The following DIABLO variants were observed in gnomAD, a reference collection of about 807,000 sequenced individuals.
DIABLO encodes the protein diablo homolog, mitochondrial.
DIABLO carries 32 observed loss-of-function variants against 31.7 expected under a neutral mutation model. The ratio of observed to expected loss-of-function variants is 1.01; its 90% CI spans 0.76 to 1.35. The LOEUF (loss-of-function observed/expected upper bound fraction) is 1.35. DIABLO is among the 40% of genes most tolerant of loss of function. The pLI is 0.00. For missense variants in DIABLO, 316 were observed against 286.4 expected, an observed-to-expected ratio of 1.10 and a Z score of -0.75; for synonymous variants, 132 against 103.2, an observed-to-expected ratio of 1.28 and a Z score of -1.69.
chr12:122,211,034 C>G (rs1954074683), intron 5 of DIABLO, among the ~76,000 whole-genome samples: 1 of 135,004 alleles, frequency 7.4e-6, no homozygotes, highest in South Asian at 2.4e-4. Context: ...GACCCTGTCT[C>G]TCTCACACAC....
intron 5 of DIABLO, among the ~76,000 whole-genome samples, chr12:122,211,289 C>CTG (rs751921138): frequency 6.6e-6 from 1 of 151,858 alleles, no homozygotes; most frequent in East Asian, 1.9e-4. Context: ...GTGGTCCCAG[C>CTG]TACTCAGGAG....
upstream of DIABLO, chr12:122,226,198 G>T (rs1954469930): frequency 3.1e-6 from 3 of 970,728 alleles, no homozygotes; most frequent in South Asian, 1.4e-5. Context: ...TGTAACGGCC[G>T]CGCAAGGCAA....
In DIABLO at chr12:122,207,716, T is replaced by TC; in HGVS notation, c.*664dup. 1 of 536,704 alleles carries TC rather than the reference T, an allele frequency of 1.9e-6. No homozygotes were observed. The highest frequency in any genetic ancestry group is 3.6e-6 in the Non-Finnish European group (1 of 281,264). The allele number at this position is 536,704 out of a possible 1,614,324, so 33.2% of individuals were successfully genotyped here. On this transcript the variant is annotated 3_prime_UTR_variant, in exon 6 of 6. Coordinates refer to ENST00000464942, the MANE Select transcript of DIABLO (RefSeq NM_001371333.1). ...TTCAGATGCAAACAAAATCTTACAC[T>TC]CTTCTCCTTTGGATACAATAGAGAA...
At position 122,218,259 on chromosome 12, in the gene DIABLO, G is replaced by C. The variant is rs753361409; in HGVS notation, c.315+7C>G. On this transcript the variant is annotated splice_region_variant and intron_variant, in intron 3 of 5. Transcript: ENST00000464942. ...TTTAGAAGATCAAGAGTTAAGAGGA[G>C]ACATACCTTAGTATATTCAGTAATA... The C allele has an allele frequency of 6.2e-7, 1 of 1,614,034 alleles. No individual in the cohort carries two copies. The highest frequency in any genetic ancestry group is 2.2e-5 in the East Asian group (1 of 44,858).
chr12:122,207,838 A>G lies in DIABLO; in HGVS notation c.*543T>C, dbSNP rs1953961085. On this transcript the variant is annotated 3_prime_UTR_variant, in exon 6 of 6. Coordinates refer to ENST00000464942, the MANE Select transcript of DIABLO (RefSeq NM_001371333.1). ...GTAAACACTCTGCACCCCTTCTCTT[A>G]GTAGTAATAGGTTTTTCACTCCTTG... 2.2e-6 allele frequency: 1 copy of G among 461,458 alleles called. No homozygotes were observed. The highest frequency in any genetic ancestry group is 2.0e-5 in the African/African-American group (1 of 50,322). The allele number at this position is 461,458 out of a possible 1,614,324, so 28.6% of individuals were successfully genotyped here. A position where few individuals can be genotyped will look rare whatever the true frequency, so the allele number is the denominator to read the frequency against.
At position 122,224,538 on chromosome 12, in the gene DIABLO, T is replaced by C. The variant is rs1357393117; in HGVS notation, c.157A>G (p.Thr53Ala). 1 of 1,613,630 alleles carries C rather than the reference T, an allele frequency of 6.2e-7. No homozygotes were observed. Among genetic ancestry groups the C allele is most frequent in the Admixed American group, 1.7e-5 (1 of 59,870 alleles). ...TGTGCAATAGGAACCGCACACAGGG[T>C]TACTCCAAAGCCAATCGTCACAGTT... is the stretch of plus-strand genomic sequence containing the variant. ...HKTVTIGFGV[T>A]LCAVPIAQKS... is the part of the protein sequence containing the mutation. Residue 53 changes from threonine (T) to alanine (A), a missense_variant, in exon 2 of 6, where the codon ACC (threonine) becomes GCC (alanine). Physicochemically the swap from Thr to Ala is moderately conservative, Grantham distance 58. Transcript: ENST00000464942.
At chr12:122,210,864 CTCTGTT>C (rs1209120464) in intron 5 of DIABLO, among the ~76,000 whole-genome samples, 1 of 149,646 alleles carries the variant, frequency 6.7e-6, no homozygotes, top group Non-Finnish European at 1.5e-5. Flanking sequence ...CTTAGCAAAA[CTCTGTT>C]TCTACTAAAA....
At chr12:122,208,637 G>A in intron 5 of DIABLO, 60 bp from the exon 6 acceptor site, 2 of 1,564,054 alleles carry the variant, frequency 1.3e-6, no homozygotes. Context: ...GGCTCATGTG[G>A]ACGTTGGCCT....
intron 1 of DIABLO, chr12:122,224,959 AAAAT>A (rs1246410612): frequency 3.0e-6 from 2 of 676,450 alleles, no homozygotes; most frequent in Non-Finnish European, 4.3e-6. Flanking sequence ...CTATTAAAAA[AAAAT>A]AAGTAAATAA....
In DIABLO at chr12:122,208,594, C is replaced by T; in HGVS notation, c.524-17G>A. 6.2e-7 allele frequency: 1 copy of T among 1,610,120 alleles called. No homozygotes were observed. The highest frequency in any genetic ancestry group is 1.3e-5 in the African/African-American group (1 of 75,034). On this transcript the variant is annotated splice_polypyrimidine_tract_variant and intron_variant, in intron 5 of 5. Coordinates refer to ENST00000464942, the MANE Select transcript of DIABLO (RefSeq NM_001371333.1). ...GATCTGCGCCTGCCAAAAGATGGGA[C>T]AATCGGGTTGAGCAGCCGTGCAGGG...
At chr12:122,224,401 G>A (rs752433855) in intron 2 of DIABLO, 111 bp downstream of exon 2, 119 of 1,523,538 alleles carry the variant, frequency 7.8e-5, no homozygotes, top group Middle Eastern at 2.0e-4. Flanking sequence ...TGTGGGGGAA[G>A]GGATGGGAGC....
At position 122,219,472 on chromosome 12, in the gene DIABLO, A is replaced by G. The variant is rs573703761; in HGVS notation, c.184-1075T>C. On this transcript the variant is annotated intron_variant, in intron 2 of 5. Coordinates refer to ENST00000464942, the MANE Select transcript of DIABLO (RefSeq NM_001371333.1). Reference sequence around the variant, plus strand: ...TGTGGGAGGAGTATGTATGAGCTACACTGGGGGCATGCAGAAGGGAGCAAT... The same window carrying G: ...TGTGGGAGGAGTATGTATGAGCTACGCTGGGGGCATGCAGAAGGGAGCAAT... 2.0e-5 allele frequency among the ~76,000 whole-genome samples: 3 copies of G among 152,204 alleles called. No homozygotes were observed. In the East Asian group the frequency reaches 5.8e-4, roughly 29 times the overall value.
chr12:122,222,163 AACTACTT>A (rs1459785125), intron 2 of DIABLO: 15 of 152,158 alleles, frequency 9.9e-5, no homozygotes, highest in African/African-American at 3.6e-4. Context: ...CTTTTATATC[AACTACTT>A]AATTGACAGC....
chr12:122,221,417 C>T (rs908083887), intron 2 of DIABLO: 16 of 152,188 alleles, frequency 1.1e-4, no homozygotes, highest in African/African-American at 3.9e-4. Flanking sequence ...TCATGGAAAG[C>T]CACTGTAGGT....
At chr12:122,225,626 T>TC (rs1467237003) in intron 1 of DIABLO, 14 of 1,269,566 alleles carry the variant, frequency 1.1e-5, no homozygotes, top group Non-Finnish European at 1.4e-5. Flanking sequence ...CTTCCCGGAC[T>TC]CCCCCCATGC....
intron 5 of DIABLO, among the ~76,000 whole-genome samples, chr12:122,216,122 A>ATAGAT (rs1364069217): frequency 1.3e-5 from 2 of 152,214 alleles, no homozygotes; most frequent in Admixed American, 6.6e-5. Flanking sequence ...AAAGGTTCAC[A>ATAGAT]TAGATTACTC....
Position 122,216,836 on chromosome 12 carries a change from A to G in DIABLO, c.349T>C (p.Tyr117His), listed in dbSNP as rs764412748. ...VYTLTSLYRQ[Y>H]TSLLGKMNSE... is the part of the protein sequence containing the mutation. ...TTCATTTTCCCAAGTAAACTTGTAT[A>G]TTGTCGGTAAAGAGAAGTTAAGGTA... Residue 117 changes from tyrosine to histidine, a missense_variant, in exon 4 of 6, where the codon TAT becomes CAT. By Grantham distance (83) the Tyr-to-His change is moderately conservative. Transcript: ENST00000464942. 1.7e-5 allele frequency: 27 copies of G among 1,614,010 alleles called. No homozygotes were observed. The highest frequency in any genetic ancestry group is 2.1e-5 in the Non-Finnish European group (25 of 1,180,018).
At chr12:122,216,038 T>C (rs1954204389) in intron 5 of DIABLO, among the ~76,000 whole-genome samples, 2 of 152,150 alleles carry the variant, frequency 1.3e-5, no homozygotes, top group African/African-American at 4.8e-5. Flanking sequence ...CCACAAAGCC[T>C]GACATAGACA....
chr12:122,217,103 A>T (rs1954231481), intron 3 of DIABLO: 1 of 483,620 alleles, frequency 2.1e-6, no homozygotes, highest in Admixed American at 3.4e-5. Flanking sequence ...ACACAGAAAG[A>T]GAAAACAATG....
Sources: gnomAD v4.1 joint callset for allele counts (sites outside exome capture counted in the v4.1 genomes callset) on GRCh38, gnomAD v4.1.1 for gene constraint, MANE v1.5 for transcripts, NCBI Gene and HGNC (gene_info 2026-07-23, HGNC 2026-07-21) for gene names.